Variants in KALRN observed in about 807,000 individuals in gnomAD.
The protein encoded by KALRN is kalirin RhoGEF kinase.
Under a neutral mutation model 353.7 loss-of-function variants are expected in KALRN, and 70 were observed. That is an observed-to-expected ratio of 0.20 (90% CI 0.16 to 0.24). The LOEUF (loss-of-function observed/expected upper bound fraction) is 0.24. Among genes scored for constraint, KALRN ranks in the 10% least tolerant of loss-of-function variants. The pLI is 1.00. For missense variants in KALRN, 2,791 were observed against 3,756.7 expected (o/e 0.74, Z 6.72); for synonymous variants, 1,391 against 1,434.8 (o/e 0.97, Z 0.69).
chr3:124,034,403 G>A (rs988282524), intron 1 of KALRN, among the ~76,000 whole-genome samples: 1 of 152,176 alleles, frequency 6.6e-6, no homozygotes. Context: ...CTGGGAGGGC[G>A]GTGGGCGCCT....
At chr3:124,643,261 C>G (rs2082309535) in intron 37 of KALRN, among the ~76,000 whole-genome samples, 1 of 152,184 alleles carries the variant, frequency 6.6e-6, no homozygotes, top group South Asian at 2.1e-4. Context: ...AATTCTCCTG[C>G]AATGGCCTCC....
At chr3:124,193,998 G>A (rs1463255776) in intron 1 of KALRN, among the ~76,000 whole-genome samples, 2 of 152,132 alleles carry the variant, frequency 1.3e-5, no homozygotes, top group Non-Finnish European at 2.9e-5. Flanking sequence ...GTTCCAACTA[G>A]GCTTTGCATC....
rs55672121 is a variant in KALRN, at chr3:124,668,043, G to GACACACACACACAC, written c.6703+898_6703+911dup. On this transcript the variant is annotated intron_variant, in intron 47 of 59. Transcript: ENST00000682506. ...GAAAACACATATGCCTGTATATCGA[G>GACACACACACACAC]ACACACACACACACACACACACACA... is the stretch of plus-strand genomic sequence containing the variant. Among the ~76,000 whole-genome samples, 345 of 138,402 alleles carry GACACACACACACAC rather than the reference G, an allele frequency of 2.5e-3. 1 individual carries two copies. Among genetic ancestry groups the GACACACACACACAC allele is most frequent in the Non-Finnish European group, 3.6e-3 (232 of 64,616 alleles). The allele number at this position is 138,402 out of a possible 152,430, so 90.8% of individuals were successfully genotyped here. A position where few individuals can be genotyped will look rare whatever the true frequency, so the allele number is the denominator to read the frequency against.
intron 1 of KALRN, among the ~76,000 whole-genome samples, chr3:124,145,923 T>TTTTCAAGG (rs2067269355): frequency 6.6e-6 from 1 of 152,162 alleles, no homozygotes; most frequent in African/African-American, 2.4e-5. Flanking sequence ...GGACAAAGTG[T>TTTTCAAGG]TCTCTTTAGG....
chr3:124,102,663 G>C (rs955915346), intron 1 of KALRN, among the ~76,000 whole-genome samples: 1 of 152,180 alleles, frequency 6.6e-6, no homozygotes, highest in African/African-American at 2.4e-5. Context: ...TTAGTTTCTT[G>C]TCAGGGATAA....
rs530227947 is a variant in KALRN at position 124,419,340 on chromosome 3, A to G, written c.2543-3472A>G. On this transcript the variant is annotated intron_variant, in intron 14 of 59. Transcript: ENST00000682506. ...CTACTAGATGCCAAGCACTGTATACATTGTATCTCACTTAGTTCTCACAAT... is the reference window on the plus strand; with the variant it reads ...CTACTAGATGCCAAGCACTGTATACGTTGTATCTCACTTAGTTCTCACAAT... Among the ~76,000 whole-genome samples, 92 of 151,072 alleles carry G rather than the reference A, an allele frequency of 6.1e-4. 1 individual carries two copies. Among genetic ancestry groups the G allele is most frequent in the African/African-American group, 2.2e-3 (91 of 41,106 alleles).
intron 13 of KALRN, among the ~76,000 whole-genome samples, chr3:124,403,075 A>G (rs2091071635): frequency 6.6e-6 from 1 of 152,218 alleles, no homozygotes; most frequent in Non-Finnish European, 1.5e-5. Context: ...AATGTGCTGA[A>G]AGCAATGAAC....
chr3:124,596,403 G>T lies in KALRN; in HGVS notation c.5182+33314G>T, dbSNP rs576276071. Among the ~76,000 whole-genome samples the T allele has an allele frequency of 3.9e-5, 6 of 152,230 alleles. No homozygotes were observed. The South Asian group carries it at 8.3e-4, about 21-fold the overall frequency. The stretch of plus-strand genomic sequence containing the variant: ...AATCGCTTGAACCCAAGAGGTGGAG[G>T]TTGCAGTGAGCCAAAATCGCGCCAT... On this transcript the variant is annotated intron_variant, in intron 34 of 59. Coordinates refer to ENST00000682506, the MANE Select transcript of KALRN (RefSeq NM_001388419.1).
At chr3:124,474,793 G>A in intron 26 of KALRN, 61 bp downstream of exon 26, 2 of 1,283,530 alleles carry the variant, frequency 1.6e-6, no homozygotes, top group Non-Finnish European at 1.1e-6. Flanking sequence ...TTCAGTGCCT[G>A]ACCTAAGGAC....
At chr3:124,548,453 T>C (rs1213650894) in intron 33 of KALRN, among the ~76,000 whole-genome samples, 1 of 152,154 alleles carries the variant, frequency 6.6e-6, no homozygotes, top group Admixed American at 6.5e-5. Context: ...CTAGCCCCCA[T>C]CTCTTACAGC....
intron 5 of KALRN, among the ~76,000 whole-genome samples, chr3:124,278,911 T>C (rs1272114098): frequency 3.3e-5 from 5 of 152,168 alleles, no homozygotes; most frequent in Non-Finnish European, 7.4e-5. Context: ...GCATTTTGCT[T>C]TGAGGAACCT....
chr3:124,555,269 C>T (rs898277026), intron 33 of KALRN, among the ~76,000 whole-genome samples: 2 of 151,954 alleles, frequency 1.3e-5, no homozygotes, highest in African/African-American at 2.4e-5. Context: ...CAGTGGCTCA[C>T]GCCTGTAATC....
intron 1 of KALRN, among the ~76,000 whole-genome samples, chr3:124,073,260 T>C (rs1010130195): frequency 2.0e-4 from 30 of 152,236 alleles, no homozygotes; most frequent in African/African-American, 7.2e-4. Flanking sequence ...ACACACCCTT[T>C]ACCTTGTGGG....
chr3:124,718,251 G>T (rs2063251948), intron 59 of KALRN, among the ~76,000 whole-genome samples: 1 of 151,330 alleles, frequency 6.6e-6, no homozygotes, highest in Non-Finnish European at 1.5e-5. Flanking sequence ...CTCTTGAGTA[G>T]CTGGGATTAC....
At chr3:124,439,096 C>G (rs879252614) in intron 18 of KALRN, 59 bp downstream of exon 18, 3 of 1,524,462 alleles carry the variant, frequency 2.0e-6, no homozygotes, top group South Asian at 1.2e-5. Context: ...CTTGTTCTTT[C>G]ATCCTCTTTC....
At chr3:124,632,101 C>T (rs1291021496) in intron 34 of KALRN, among the ~76,000 whole-genome samples, 1 of 152,190 alleles carries the variant, frequency 6.6e-6, no homozygotes, top group Non-Finnish European at 1.5e-5. Flanking sequence ...ACCTGTCATA[C>T]TTTTCATTTT....
intron 57 of KALRN, among the ~76,000 whole-genome samples, chr3:124,702,430 T>C (rs748483871): frequency 2.0e-5 from 3 of 152,224 alleles, no homozygotes; most frequent in Non-Finnish European, 4.4e-5. Context: ...ATAAGTTATA[T>C]GTAGTTGTCT....
chr3:124,238,489 T>C (rs748014589), intron 3 of KALRN, among the ~76,000 whole-genome samples: 34 of 152,186 alleles, frequency 2.2e-4, no homozygotes, highest in Non-Finnish European at 4.0e-4. Context: ...TGGGCTTAGA[T>C]AACTTCTAAG....
At chr3:124,477,412 TTTAG>T in intron 27 of KALRN, 78 bp downstream of exon 27, 2 of 1,071,698 alleles carry the variant, frequency 1.9e-6, no homozygotes, top group Non-Finnish European at 2.9e-6. Context: ...TGGATGGATA[TTTAG>T]CTATCCTTTT....
Sources: allele counts gnomAD v4.1 joint callset (sites outside exome capture counted in the v4.1 genomes callset), GRCh38; gene constraint gnomAD v4.1.1; transcripts MANE v1.5; gene names NCBI Gene and HGNC (gene_info 2026-07-23, HGNC 2026-07-21).